CAST: variants seen among roughly 807,000 people sequenced by gnomAD.
CAST encodes calpastatin.
A neutral mutation model predicts 119.6 loss-of-function variants in CAST; 76 were observed. The observed-to-expected ratio is 0.64, with a 90% CI of 0.53 to 0.77. The LOEUF (loss-of-function observed/expected upper bound fraction) is 0.77. CAST is among the 30% of genes least tolerant of loss of function. The pLI, the probability that CAST is intolerant of heterozygous loss-of-function variation, is 0.00. For missense variants in CAST, 953 were observed against 946.5 expected (o/e 1.01, Z -0.09); for synonymous variants, 319 against 331.6 (o/e 0.96, Z 0.41).
intron 2 of CAST, among the ~76,000 whole-genome samples, chr5:96,685,171 G>A (rs152019): frequency 0.83 from 125,787 of 151,944 alleles, 52,801 homozygotes; most frequent in East Asian, 1. Context: ...TGTCTCTGAA[G>A]AGATTATATT....
At chr5:96,500,587 G>T in the CAST span, among the ~76,000 whole-genome samples, 1 of 152,106 alleles carries the variant, frequency 6.6e-6, no homozygotes, top group East Asian at 1.9e-4. Flanking sequence ...GGTCACAGAG[G>T]TTGGTCTCAG....
At chr5:96,121,601 C>G in the CAST span, among the ~76,000 whole-genome samples, 1 of 152,082 alleles carries the variant, frequency 6.6e-6, no homozygotes, top group Admixed American at 6.5e-5. Context: ...TGAATCAAGC[C>G]AAGAAATACA....
chr5:96,356,740 T>A, the CAST span, among the ~76,000 whole-genome samples: 6 of 152,222 alleles, frequency 3.9e-5, no homozygotes, highest in African/African-American at 1.4e-4. Context: ...TGTAGCCTTG[T>A]AGTATAGTTT....
the CAST span, among the ~76,000 whole-genome samples, chr5:96,215,748 T>A: frequency 6.6e-6 from 1 of 152,134 alleles, no homozygotes; most frequent in African/African-American, 2.4e-5. Context: ...GATGAAGACG[T>A]TTATGATGAT....
intron 1 of CAST, among the ~76,000 whole-genome samples, chr5:96,645,364 T>C (rs1024866318): frequency 7.9e-5 from 12 of 152,218 alleles, no homozygotes; most frequent in African/African-American, 2.7e-4. Flanking sequence ...AGGTGGTGTC[T>C]TTCAGGTTTT....
intron 1 of CAST, among the ~76,000 whole-genome samples, chr5:96,607,727 G>A (rs1472772980): frequency 3.3e-5 from 5 of 151,214 alleles, no homozygotes; most frequent in East Asian, 2.0e-4. Flanking sequence ...GTCTGGCCAC[G>A]ATGCTCTTCA....
the CAST span, among the ~76,000 whole-genome samples, chr5:96,177,814 G>T: frequency 3.3e-5 from 5 of 152,142 alleles, no homozygotes; most frequent in Non-Finnish European, 5.9e-5. Flanking sequence ...AGCTGCTTCT[G>T]GTTCTGCAAC....
At chr5:96,683,100 C>G (rs1237420308) in intron 2 of CAST, among the ~76,000 whole-genome samples, 1 of 152,118 alleles carries the variant, frequency 6.6e-6, no homozygotes, top group Non-Finnish European at 1.5e-5. Context: ...AGATAGGTTG[C>G]CTCATGAAGA....
chr5:96,201,345 A>G, the CAST span, among the ~76,000 whole-genome samples: 1 of 152,162 alleles, frequency 6.6e-6, no homozygotes, highest in East Asian at 1.9e-4. Context: ...ATATTTAGCT[A>G]AATAGTACTC....
intron 1 of CAST, among the ~76,000 whole-genome samples, chr5:96,645,503 A>G (rs926822468): frequency 6.6e-6 from 1 of 152,132 alleles, no homozygotes; most frequent in Non-Finnish European, 1.5e-5. Flanking sequence ...CATAATATTC[A>G]TTTGCAAGAT....
the CAST span, among the ~76,000 whole-genome samples, chr5:96,451,606 T>A: frequency 1.3e-5 from 2 of 152,028 alleles, no homozygotes; most frequent in African/African-American, 4.8e-5. Context: ...GACTAAAACA[T>A]CAAAAGCAAT....
rs565250157 is a variant in CAST, at chr5:96,560,011, T to C, written c.60+30131T>C. ...TGGTACTGGTACCAAAACAGAGATATAGACCAATGGAACAGAATAGAGCCC... is the reference window on the plus strand; with the variant it reads ...TGGTACTGGTACCAAAACAGAGATACAGACCAATGGAACAGAATAGAGCCC... On this transcript the variant is annotated intron_variant, in intron 1 of 11. Coordinates refer to the CAST transcript ENST00000505143. Among the ~76,000 whole-genome samples the C allele has an allele frequency of 2.0e-5, 3 of 152,086 alleles. No homozygotes were observed. The South Asian group carries it at 6.2e-4, about 32-fold the overall frequency.
At chr5:96,042,226 G>A in the CAST span, among the ~76,000 whole-genome samples, 30 of 152,124 alleles carry the variant, frequency 2.0e-4, no homozygotes, top group South Asian at 2.1e-4. Context: ...CCAGAATCCA[G>A]CCCTGTTTGG....
chr5:96,256,083 T>C, the CAST span, among the ~76,000 whole-genome samples: 2 of 151,842 alleles, frequency 1.3e-5, no homozygotes, highest in Non-Finnish European at 2.9e-5. Context: ...TTCTCATCTC[T>C]CAGAACTCTG....
At chr5:96,128,108 C>T in the CAST span, among the ~76,000 whole-genome samples, 1 of 152,074 alleles carries the variant, frequency 6.6e-6, no homozygotes, top group Non-Finnish European at 1.5e-5. Context: ...AAATTAACTT[C>T]TGACATAAAC....
the CAST span, among the ~76,000 whole-genome samples, chr5:96,455,424 G>T: frequency 1.3e-5 from 2 of 152,198 alleles, no homozygotes; most frequent in African/African-American, 4.8e-5. Flanking sequence ...CTGGAAACAA[G>T]AGTTGTTTAT....
the CAST span, among the ~76,000 whole-genome samples, chr5:96,327,762 C>T: frequency 2.0e-5 from 3 of 152,130 alleles, no homozygotes; most frequent in Non-Finnish European, 2.9e-5. Context: ...ATCAGAAGAG[C>T]GATTCAACAA....
chr5:96,163,364 C>T, the CAST span, among the ~76,000 whole-genome samples: 7 of 152,190 alleles, frequency 4.6e-5, no homozygotes, highest in Admixed American at 2.6e-4. Context: ...TTGATTTTGT[C>T]GATCTTCTCT....
At chr5:96,170,415 G>C in the CAST span, among the ~76,000 whole-genome samples, 2 of 152,218 alleles carry the variant, frequency 1.3e-5, no homozygotes, top group African/African-American at 4.8e-5. Context: ...GTGTGCTGGA[G>C]ATGTGGCTGG....
Sources: allele counts gnomAD v4.1 joint callset (sites outside exome capture counted in the v4.1 genomes callset), GRCh38; gene constraint gnomAD v4.1.1; transcripts MANE v1.5; gene names NCBI Gene and HGNC (gene_info 2026-07-23, HGNC 2026-07-21).